The following DYNC2I2 variants were observed in gnomAD, a reference collection of about 807,000 sequenced individuals.
DYNC2I2 encodes the protein cytoplasmic dynein 2 intermediate chain 2.
A neutral mutation model predicts 52.0 loss-of-function variants in DYNC2I2; 39 were observed. The observed-to-expected ratio is 0.75, with a 90% CI of 0.58 to 0.98. The LOEUF is 0.98. DYNC2I2 is among the 50% of genes least tolerant of loss of function. The pLI is 0.00. For missense variants in DYNC2I2, 743 were observed against 728.4 expected, an observed-to-expected ratio of 1.02 and a Z score of -0.23; for synonymous variants, 359 against 321.1, an observed-to-expected ratio of 1.12 and a Z score of -1.26.
At chr9:128,673,803 G>A in the DYNC2I2 span, among the ~76,000 whole-genome samples, 1 of 143,782 alleles carries the variant, frequency 7.0e-6, no homozygotes, top group African/African-American at 2.7e-5. Context: ...ACCGCACCCA[G>A]CTATTTTTTT....
At chr9:128,673,023 C>CA in the DYNC2I2 span, among the ~76,000 whole-genome samples, 17 of 149,052 alleles carry the variant, frequency 1.1e-4, no homozygotes, top group African/African-American at 3.2e-4. Context: ...GACTCAGTCT[C>CA]AAAAAAAAAC....
chr9:128,633,925 T>A lies in DYNC2I2; in HGVS notation c.1430A>T (p.Lys477Met), dbSNP rs1265408495. Reference sequence around the variant, plus strand: ...GACAGGGCTTTCATCCTGGGTTTGCTTGATCAAAACTGTGGGTTTCTGGGA... The same window carrying A: ...GACAGGGCTTTCATCCTGGGTTTGCATGATCAAAACTGTGGGTTTCTGGGA... The part of the protein sequence containing the change: ...KSSQKPTVLI[K>M]QTQDESPVYC... Residue 477 changes from lysine (K) to methionine (M), a missense_variant, in exon 9 of 9, where the codon AAG (lysine) becomes ATG (methionine). By Grantham distance (95) the Lys-to-Met change is moderately conservative (BLOSUM62 -1). Coordinates refer to ENST00000372715, the MANE Select transcript of DYNC2I2 (RefSeq NM_052844.4). The A allele has an allele frequency of 1.2e-6, 2 of 1,613,122 alleles. No homozygotes were observed. The highest frequency in any genetic ancestry group is 1.7e-6 in the Non-Finnish European group (2 of 1,180,048).
chr9:128,677,424 G>T, the DYNC2I2 span, among the ~76,000 whole-genome samples: 1 of 151,578 alleles, frequency 6.6e-6, no homozygotes, highest in East Asian at 2.0e-4. Context: ...GGCAGATGTT[G>T]TAGTGAGCTG....
chr9:128,660,541 G>A (rs1023190011), upstream of DYNC2I2, among the ~76,000 whole-genome samples: 2 of 150,978 alleles, frequency 1.3e-5, no homozygotes, highest in Admixed American at 1.3e-4. Flanking sequence ...TCAGAGTAGC[G>A]CATGCCACCA....
chr9:128,660,064 C>CAA (rs752364787), upstream of DYNC2I2, among the ~76,000 whole-genome samples: 19 of 73,712 alleles, frequency 2.6e-4, no homozygotes, highest in South Asian at 9.3e-4. Context: ...GAGACCCTGT[C>CAA]AAAAAAAAAA....
At position 128,652,871 on chromosome 9, in the gene DYNC2I2, T is replaced by C. The variant is rs1472731456; in HGVS notation, c.186+3670A>G. On this transcript the variant is annotated intron_variant, in intron 1 of 8. Transcript: ENST00000372715. ...AGGCGGAGGTTGCAGTGAGCCAAGA[T>C]CATGCCACTGCACTCCAGCTTGGGC... Among the ~76,000 whole-genome samples the C allele has an allele frequency of 5.4e-5, 8 of 148,806 alleles. No individual in the cohort carries two copies. The South Asian group carries it at 1.7e-3, about 31-fold the overall frequency.
At chr9:128,636,210 C>T (rs1008769888) in intron 4 of DYNC2I2, 71 bp downstream of exon 4, 4 of 1,547,216 alleles carry the variant, frequency 2.6e-6, no homozygotes, top group African/African-American at 2.7e-5. Flanking sequence ...ATGGAAAGCT[C>T]CCTTGTGCCC....
chr9:128,647,283 A>C (rs1315561445), intron 1 of DYNC2I2, among the ~76,000 whole-genome samples: 1 of 152,226 alleles, frequency 6.6e-6, no homozygotes, highest in Non-Finnish European at 1.5e-5. Context: ...CATGCCAGGC[A>C]GTGTGTGACT....
At chr9:128,677,802 C>T in the DYNC2I2 span, among the ~76,000 whole-genome samples, 234 of 152,092 alleles carry the variant, frequency 1.5e-3, 1 homozygote, top group African/African-American at 4.9e-3. Flanking sequence ...GAGGGAAACT[C>T]CATCTGAAAA....
Position 128,640,840 on chromosome 9 carries a change from T to C in DYNC2I2, c.286A>G (p.Ser96Gly). Reference protein sequence around the residue: ...QVQTEAPVPVSVQPPSQYDIP... With the variant: ...QVQTEAPVPVGVQPPSQYDIP... ...TCATACTGGGACGGGGGCTGCACGC[T>C]GACAGGCACGGGGGCCTCCGTCTGC... is the stretch of plus-strand genomic sequence containing the variant. The change falls in exon 2 of 9, where the codon AGC becomes GGC. Residue 96 changes from serine (S) to glycine (G), a missense_variant. Coordinates refer to ENST00000372715, the MANE Select transcript of DYNC2I2 (RefSeq NM_052844.4). 1.2e-6 allele frequency: 2 copies of C among 1,613,978 alleles called. No homozygotes were observed. Among genetic ancestry groups the C allele is most frequent in the Non-Finnish European group, 1.7e-6 (2 of 1,179,958 alleles).
chr9:128,642,573 A>G (rs1010317899), intron 1 of DYNC2I2, among the ~76,000 whole-genome samples: 2 of 151,698 alleles, frequency 1.3e-5, no homozygotes, highest in Non-Finnish European at 2.9e-5. Context: ...GATCGAGACC[A>G]TCCTGGCTAA....
intron 4 of DYNC2I2, 134 bp downstream of exon 4, chr9:128,636,147 C>T: frequency 7.4e-7 from 1 of 1,357,172 alleles, no homozygotes; most frequent in Admixed American, 2.0e-5. Flanking sequence ...TTCACCTGGG[C>T]TCCAGACTGA....
intron 2 of DYNC2I2, among the ~76,000 whole-genome samples, chr9:128,637,861 T>C (rs1244020466): frequency 6.6e-6 from 1 of 152,094 alleles, no homozygotes; most frequent in Non-Finnish European, 1.5e-5. Context: ...GCCCAGGAAG[T>C]GGTGTGTGCC....
the DYNC2I2 span, among the ~76,000 whole-genome samples, chr9:128,673,735 T>G: frequency 2.0e-5 from 3 of 151,782 alleles, no homozygotes; most frequent in African/African-American, 7.3e-5. Flanking sequence ...CTCGATCTCC[T>G]GACCTCGTGA....
At chr9:128,654,506 GC>G (rs1272066819) in intron 1 of DYNC2I2, among the ~76,000 whole-genome samples, 2 of 150,094 alleles carry the variant, frequency 1.3e-5, no homozygotes, top group African/African-American at 4.9e-5. Context: ...CTCCTCTCCA[GC>G]CCCACCTGCC....
chr9:128,679,863 C>G, the DYNC2I2 span, among the ~76,000 whole-genome samples: 1 of 151,992 alleles, frequency 6.6e-6, no homozygotes, highest in Non-Finnish European at 1.5e-5. Flanking sequence ...AATAGATACA[C>G]AGACACACAT....
chr9:128,640,512 A>T (rs1860492540), intron 2 of DYNC2I2, among the ~76,000 whole-genome samples, 179 bp downstream of exon 2: 1 of 152,232 alleles, frequency 6.6e-6, no homozygotes, highest in Non-Finnish European at 1.5e-5. Flanking sequence ...CAAGGTCAGC[A>T]GTGAAGGCTC....
At chr9:128,652,857 G>A (rs1047316734) in intron 1 of DYNC2I2, among the ~76,000 whole-genome samples, 6 of 150,544 alleles carry the variant, frequency 4.0e-5, no homozygotes, top group African/African-American at 1.5e-4. Context: ...GGCGGAGGTT[G>A]CAGTGAGCCA....
At chr9:128,653,055 CCT>C (rs1244357757) in intron 1 of DYNC2I2, among the ~76,000 whole-genome samples, 1 of 147,248 alleles carries the variant, frequency 6.8e-6, no homozygotes, top group Non-Finnish European at 1.5e-5. Context: ...ATGGTGAAAC[CCT>C]GTCTCTACTA....
Sources: gnomAD v4.1 joint callset for allele counts (sites outside exome capture counted in the v4.1 genomes callset) on GRCh38, gnomAD v4.1.1 for gene constraint, MANE v1.5 for transcripts, NCBI Gene and HGNC (gene_info 2026-07-23, HGNC 2026-07-21) for gene names.